Variants in CDH18 observed in about 807,000 individuals in gnomAD.
CDH18 encodes cadherin-18.
In CDH18, 31 loss-of-function variants were observed where a neutral mutation model predicts 67.9. The observed-to-expected ratio is 0.46, with a 90% confidence interval of 0.34 to 0.62. The LOEUF is 0.62. CDH18 is among the 20% of genes least tolerant of loss of function. The pLI is 0.01. For synonymous variants in CDH18, 362 were observed against 347.2 expected (o/e 1.04, Z -0.48); for missense variants, 890 against 975.5 (o/e 0.91, Z 1.17).
At chr5:20,065,715 T>C (rs1462218259) in intron 2 of CDH18, among the ~76,000 whole-genome samples, 3 of 152,050 alleles carry the variant, frequency 2.0e-5, no homozygotes, top group Non-Finnish European at 2.9e-5. Context: ...ATTTATTAAA[T>C]GCTGTACTGA....
intron 2 of CDH18, among the ~76,000 whole-genome samples, chr5:20,095,355 GA>G (rs1554089618): frequency 1.1e-5 from 1 of 91,512 alleles, no homozygotes; most frequent in African/African-American, 4.5e-5. Context: ...AAGAAAGAAA[GA>G]AAGAAAAGAC....
intron 1 of CDH18, among the ~76,000 whole-genome samples, chr5:20,460,316 C>T (rs1332108645): frequency 6.6e-6 from 1 of 151,884 alleles, no homozygotes; most frequent in African/African-American, 2.4e-5. Context: ...CGCTTAAACC[C>T]AGGAGGTGGA....
intron 3 of CDH18, among the ~76,000 whole-genome samples, chr5:19,778,729 A>T (rs1279031876): frequency 6.6e-6 from 1 of 152,134 alleles, no homozygotes; most frequent in Non-Finnish European, 1.5e-5. Flanking sequence ...AATACAGTGG[A>T]CACCACAAAA....
intron 1 of CDH18, among the ~76,000 whole-genome samples, chr5:20,291,495 T>C (rs1019273915): frequency 7.2e-5 from 11 of 152,122 alleles, no homozygotes; most frequent in African/African-American, 2.7e-4. Context: ...ATAAAGACCA[T>C]TGCAGCATGA....
chr5:20,262,833 C>A (rs1422228519), intron 1 of CDH18, among the ~76,000 whole-genome samples: 1 of 151,584 alleles, frequency 6.6e-6, no homozygotes, highest in African/African-American at 2.4e-5. Flanking sequence ...AACACTGGTG[C>A]CTTTGCATAC....
chr5:19,751,197 G>A (rs1167889723), intron 3 of CDH18, among the ~76,000 whole-genome samples: 1 of 152,066 alleles, frequency 6.6e-6, no homozygotes, highest in Non-Finnish European at 1.5e-5. Context: ...ATCAGGACCT[G>A]AAAATTTATA....
intron 3 of CDH18, among the ~76,000 whole-genome samples, chr5:19,799,467 C>T (rs973897489): frequency 6.6e-6 from 1 of 151,602 alleles, no homozygotes; most frequent in African/African-American, 2.4e-5. Context: ...CACACACACA[C>T]ACACACCACA....
intron 2 of CDH18, among the ~76,000 whole-genome samples, chr5:20,024,542 TGAA>T (rs915774705): frequency 1.3e-5 from 2 of 152,018 alleles, no homozygotes; most frequent in African/African-American, 4.8e-5. Flanking sequence ...CAAAGAGAAA[TGAA>T]GACCAGAATT....
intron 2 of CDH18, among the ~76,000 whole-genome samples, chr5:19,927,335 T>C (rs755954269): frequency 3.9e-5 from 6 of 152,230 alleles, no homozygotes; most frequent in East Asian, 3.9e-4. Flanking sequence ...TTAACTCATT[T>C]CATTCTCACA....
intron 2 of CDH18, among the ~76,000 whole-genome samples, chr5:20,084,535 T>A (rs774513960): frequency 6.6e-6 from 1 of 152,160 alleles, no homozygotes; most frequent in Non-Finnish European, 1.5e-5. Context: ...AATGACCCAG[T>A]AGGAACTCTG....
chr5:20,184,906 A>C (rs73052718), intron 2 of CDH18, among the ~76,000 whole-genome samples: 1 of 152,202 alleles, frequency 6.6e-6, no homozygotes, highest in African/African-American at 2.4e-5. Context: ...CAGTTACCTT[A>C]TTAAAATAAG....
At chr5:19,742,451 AT>A (rs201341515) in intron 4 of CDH18, among the ~76,000 whole-genome samples, 2,002 of 151,044 alleles carry the variant, frequency 0.013, 41 homozygotes, top group African/African-American at 0.046. Flanking sequence ...AAGCTGGACT[AT>A]TTTTTTTTAA....
intron 1 of CDH18, among the ~76,000 whole-genome samples, chr5:20,511,768 C>G (rs752641207): frequency 6.6e-6 from 1 of 152,162 alleles, no homozygotes; most frequent in South Asian, 2.1e-4. Context: ...GAAGTCGATA[C>G]ATTTACCTTT....
At chr5:19,508,147 T>G (rs182360850) in intron 10 of CDH18, among the ~76,000 whole-genome samples, 1 of 152,254 alleles carries the variant, frequency 6.6e-6, no homozygotes, top group East Asian at 1.9e-4. Flanking sequence ...TGTATTGGCA[T>G]ATTCAATATT....
At chr5:20,172,213 T>TATATATAC (rs1736825131) in intron 2 of CDH18, among the ~76,000 whole-genome samples, 1 of 61,112 alleles carries the variant, frequency 1.6e-5, no homozygotes, top group South Asian at 5.3e-4. Flanking sequence ...TATATATATA[T>TATATATAC]ATATATATAT....
intron 5 of CDH18, among the ~76,000 whole-genome samples, chr5:19,713,562 T>A (rs1764977846): frequency 6.6e-6 from 1 of 152,130 alleles, no homozygotes; most frequent in Non-Finnish European, 1.5e-5. Flanking sequence ...GAATTAAATT[T>A]GATAGATATT....
At chr5:19,940,424 C>G (rs996420586) in intron 2 of CDH18, among the ~76,000 whole-genome samples, 1 of 151,940 alleles carries the variant, frequency 6.6e-6, no homozygotes, top group Non-Finnish European at 1.5e-5. Context: ...GCCTCCAGCT[C>G]ATTCTCCACA....
intron 2 of CDH18, among the ~76,000 whole-genome samples, chr5:19,858,266 A>G (rs563153706): frequency 4.9e-4 from 74 of 152,194 alleles, no homozygotes; most frequent in Non-Finnish European, 1.0e-3. Context: ...CCTGGAATCA[A>G]TAGAAAGAAA....
At chr5:20,102,202 C>A (rs980228845) in intron 2 of CDH18, among the ~76,000 whole-genome samples, 1 of 145,402 alleles carries the variant, frequency 6.9e-6, no homozygotes, top group African/African-American at 2.5e-5. Context: ...AGATTGTATT[C>A]AGTGTTATGT....
Sources: gnomAD v4.1 joint callset for allele counts (sites outside exome capture counted in the v4.1 genomes callset) on GRCh38, gnomAD v4.1.1 for gene constraint, MANE v1.5 for transcripts, NCBI Gene and HGNC (gene_info 2026-07-23, HGNC 2026-07-21) for gene names.